The following PTPN6 variants were observed in gnomAD, a reference collection of about 807,000 sequenced individuals.
PTPN6 encodes the protein protein tyrosine phosphatase non-receptor type 6.
In PTPN6, 18 loss-of-function variants were observed where a neutral mutation model predicts 81.5. The observed-to-expected ratio is 0.22, with a 90% CI of 0.15 to 0.33. The LOEUF is 0.33. Ranked by LOEUF, PTPN6 falls within the 10% of genes least tolerant of loss-of-function variation. The pLI is 1.00. For synonymous variants in PTPN6, 301 were observed against 310.9 expected (o/e 0.97, Z 0.33); for missense variants, 500 against 794.2 (o/e 0.63, Z 4.45).
In PTPN6 at chr12:6,955,386, G is replaced by A. The variant is rs140592255; in HGVS notation, c.648G>A (p.Thr216=). 2.0e-4 allele frequency: 318 copies of A among 1,614,160 alleles called. No homozygotes were observed. Among genetic ancestry groups the A allele is most frequent in the Non-Finnish European group, 2.6e-4 (302 of 1,180,020 alleles). Residue 216 remains threonine (T), a synonymous_variant, in exon 6 of 16, where the codon ACG becomes ACA. Transcript: ENST00000318974. The surrounding 1 kb of genome is among the most constrained non-coding windows in gnomAD (Gnocchi z 7.2). The part of the protein sequence containing the change: ...FVYLRQPYYA[T]RVNAADIENR... The stretch of plus-strand genomic sequence containing the variant: ...CCCCACCCCAGCCGTACTATGCCAC[G>A]AGGGTGAATGCGGCTGACATTGAGA...
At position 6,960,538 on chromosome 12, in the gene PTPN6, G is replaced by T; in HGVS notation, c.1673+103G>T. On this transcript the variant is annotated intron_variant, in intron 14 of 15. Coordinates refer to ENST00000318974, the MANE Select transcript of PTPN6 (RefSeq NM_002831.6). The surrounding 1 kb of genome is among the most constrained non-coding windows in gnomAD (Gnocchi z 6.1). Reference sequence around the variant, plus strand: ...CAAGTGTTGCAGCTGGGGGGACCTGGCTTCAAGTTCAGGCTTGGTTCTCAC... The same window carrying T: ...CAAGTGTTGCAGCTGGGGGGACCTGTCTTCAAGTTCAGGCTTGGTTCTCAC... 1 of 1,451,144 alleles carries T rather than the reference G, an allele frequency of 6.9e-7. No homozygotes were observed. 89.9% of individuals were successfully genotyped at this position (1,451,144 alleles called of 1,614,324 possible). A position where few individuals can be genotyped will look rare whatever the true frequency, so the allele number is the denominator to read the frequency against.
intron 3 of PTPN6, chr12:6,953,436 AAGG>A (rs1945963733): frequency 6.6e-6 from 1 of 152,222 alleles, no homozygotes; most frequent in South Asian, 2.1e-4. Flanking sequence ...GCCTGGGTTC[AAGG>A]AGAAGAGAGA....
rs1555149432 is a variant in PTPN6, at chr12:6,960,033, A to C, written c.1429+39A>C. The C allele has an allele frequency of 6.2e-7, 1 of 1,612,340 alleles. No individual in the cohort carries two copies. The highest frequency in any genetic ancestry group is 1.1e-5 in the South Asian group (1 of 91,068). ...GGGGGTTTGGGGGTGGGGGGTGAGC[A>C]GCCCCTCGGTGTCCGCCTATGCCTG... On this transcript the variant is annotated intron_variant, in intron 12 of 15. Coordinates refer to ENST00000318974, the MANE Select transcript of PTPN6 (RefSeq NM_002831.6). This position sits in a 1 kb window ranked among gnomAD's most constrained non-coding sequence, Gnocchi z 6.1.
At position 6,955,067 on chromosome 12, in the gene PTPN6, G is replaced by A; in HGVS notation, c.516+73G>A. ...TGACCACAGTGTGGGTGGCAGGGAG[G>A]GTCTGCCTGGGCTTGAATTCAAGGC... is the stretch of plus-strand genomic sequence containing the variant. On this transcript the variant is annotated intron_variant, in intron 4 of 15. Coordinates refer to ENST00000318974, the MANE Select transcript of PTPN6 (RefSeq NM_002831.6). This position sits in a 1 kb window ranked among gnomAD's most constrained non-coding sequence, Gnocchi z 7.2. 6.2e-7 allele frequency: 1 copy of A among 1,606,616 alleles called. No individual in the cohort carries two copies. Among genetic ancestry groups the A allele is most frequent in the Non-Finnish European group, 8.5e-7 (1 of 1,173,292 alleles).
chr12:6,952,414 C>G lies in PTPN6; in HGVS notation c.326+237C>G. 1.7e-6 allele frequency: 1 copy of G among 592,798 alleles called. No individual in the cohort carries two copies. The highest frequency in any genetic ancestry group is 1.9e-5 in the African/African-American group (1 of 53,922). 36.7% of individuals were successfully genotyped at this position (592,798 alleles called of 1,614,324 possible). ...GAGGAAGCCACAGAAAGCTGCCTCG[C>G]CCTACTCCGGGAGCCCTGGCCGCTG... is the stretch of plus-strand genomic sequence containing the variant. On this transcript the variant is annotated intron_variant, in intron 3 of 15. Transcript: ENST00000318974. The surrounding 1 kb of genome is among the most constrained non-coding windows in gnomAD (Gnocchi z 8.1).
At chr12:6,947,668 CAAAA>C (rs112544780), upstream of PTPN6, among the ~76,000 whole-genome samples, 11 of 64,764 alleles carry the variant, frequency 1.7e-4, no homozygotes, top group African/African-American at 4.1e-4. Context: ...GACCTTGTCT[CAAAA>C]AAAAAAAAAA....
Position 6,954,753 on chromosome 12 carries a change from G to GCGCCTTC in PTPN6, c.327-50_327-44dup, listed in dbSNP as rs1555148286. 1.9e-6 allele frequency: 3 copies of GCGCCTTC among 1,568,758 alleles called. No homozygotes were observed. Among genetic ancestry groups the GCGCCTTC allele is most frequent in the Non-Finnish European group, 2.6e-6 (3 of 1,150,158 alleles). On this transcript the variant is annotated intron_variant, in intron 3 of 15. Coordinates refer to ENST00000318974, the MANE Select transcript of PTPN6 (RefSeq NM_002831.6). The surrounding 1 kb of genome is among the most constrained non-coding windows in gnomAD (Gnocchi z 5.4). ...CCCTCTCTGTGAATGTCTCTGCTCA[G>GCGCCTTC]CGCCTTCCCCTGTGGCCTGGGTCTT...
upstream of PTPN6, among the ~76,000 whole-genome samples, chr12:6,948,600 A>G (rs1335161085): frequency 1.3e-5 from 2 of 151,070 alleles, no homozygotes; most frequent in Non-Finnish European, 2.9e-5. Context: ...TCGAAAGAAG[A>G]AAGGAAAGAA....
Position 6,951,504 on chromosome 12 carries a change from GCCCCC to G in PTPN6, c.-8_-4del. On this transcript the variant is annotated 5_prime_UTR_variant, in exon 1 of 16. Transcript: ENST00000318974. This position sits in a 1 kb window ranked among gnomAD's most constrained non-coding sequence, Gnocchi z 7.2. ...CCCTGCGCCCCCTTCCTCTCCGGAA[GCCCCC>G]AGGATGGTGAGGTAAGGGCCTGCCA... The G allele has an allele frequency of 6.2e-7, 1 of 1,613,856 alleles. No individual in the cohort carries two copies. Among genetic ancestry groups the G allele is most frequent in the Non-Finnish European group, 8.5e-7 (1 of 1,179,890 alleles).
Position 6,957,650 on chromosome 12 carries a change from C to T in PTPN6, c.1075-4C>T, listed in dbSNP as rs2138276519. ...CTCATCCCCACCCGACCCTCCCTTTCCAGAACAAATGCGTCCCATACTGGC... is the reference window on the plus strand; with the variant it reads ...CTCATCCCCACCCGACCCTCCCTTTTCAGAACAAATGCGTCCCATACTGGC... On this transcript the variant is annotated splice_region_variant and splice_polypyrimidine_tract_variant and intron_variant, in intron 9 of 15. Coordinates refer to ENST00000318974, the MANE Select transcript of PTPN6 (RefSeq NM_002831.6). The surrounding 1 kb of genome is among the most constrained non-coding windows in gnomAD (Gnocchi z 6.5). 4.4e-6 allele frequency: 3 copies of T among 684,192 alleles called. No individual in the cohort carries two copies. The highest frequency in any genetic ancestry group is 1.9e-5 in the Admixed American group (1 of 51,512). 42.4% of individuals were successfully genotyped at this position (684,192 alleles called of 1,614,324 possible).
chr12:6,948,601 A>C (rs1272164756), upstream of PTPN6, among the ~76,000 whole-genome samples: 10 of 151,058 alleles, frequency 6.6e-5, no homozygotes, highest in East Asian at 9.6e-4. Context: ...CGAAAGAAGA[A>C]AGGAAAGAAA....
chr12:6,952,200 A>T lies in PTPN6; in HGVS notation c.326+23A>T. On this transcript the variant is annotated intron_variant, in intron 3 of 15. Transcript: ENST00000318974. The surrounding 1 kb of genome is among the most constrained non-coding windows in gnomAD (Gnocchi z 8.1). Reference sequence around the variant, plus strand: ...GAGGTGAGGGCTCCGCACCCCCGCCATTCCCAAGCAGGGATGAGCCGGCTC... The same window carrying T: ...GAGGTGAGGGCTCCGCACCCCCGCCTTTCCCAAGCAGGGATGAGCCGGCTC... 1 of 1,612,520 alleles carries T rather than the reference A, an allele frequency of 6.2e-7. No homozygotes were observed. Among genetic ancestry groups the T allele is most frequent in the Non-Finnish European group, 8.5e-7 (1 of 1,179,680 alleles).
chr12:6,946,930 C>G (rs1555146921), upstream of PTPN6, among the ~76,000 whole-genome samples: 4 of 152,168 alleles, frequency 2.6e-5, no homozygotes, highest in Non-Finnish European at 5.9e-5. Flanking sequence ...GCTCCTCTGC[C>G]CCCTCTTTAA....
In PTPN6 at chr12:6,956,241, TGGGAG is replaced by T; in HGVS notation, c.924+22_924+26del. 3 of 1,613,042 alleles carry T rather than the reference TGGGAG, an allele frequency of 1.9e-6. No homozygotes were observed. The highest frequency in any genetic ancestry group is 2.5e-6 in the Non-Finnish European group (3 of 1,179,140). On this transcript the variant is annotated intron_variant, in intron 8 of 15. Coordinates refer to ENST00000318974, the MANE Select transcript of PTPN6 (RefSeq NM_002831.6). This position sits in a 1 kb window ranked among gnomAD's most constrained non-coding sequence, Gnocchi z 4.1. ...ATCAAGGTCAGCAGTGTGGGCCACG[TGGGAG>T]GAGAGGCTGGGCCCTGGGAATTCCC...
upstream of PTPN6, among the ~76,000 whole-genome samples, chr12:6,947,920 C>T (rs1016329809): frequency 2.6e-5 from 4 of 152,016 alleles, no homozygotes; most frequent in Non-Finnish European, 4.4e-5. Context: ...ACAGTGTGCC[C>T]GTGGCAGAGG....
In PTPN6 at chr12:6,954,271, C is replaced by T. The variant is rs1478542648; in HGVS notation, c.327-534C>T. On this transcript the variant is annotated intron_variant, in intron 3 of 15. Transcript: ENST00000318974. The surrounding 1 kb of genome is among the most constrained non-coding windows in gnomAD (Gnocchi z 5.4). ...CTTGAGTCTGTGTGTCCATCTCCCA[C>T]CACTCCCTGTGGTGTGGCCTCGGTC... Among the ~76,000 whole-genome samples, 2 of 152,226 alleles carry T rather than the reference C, an allele frequency of 1.3e-5. No individual in the cohort carries two copies. Among genetic ancestry groups the T allele is most frequent in the Non-Finnish European group, 1.5e-5 (1 of 68,052 alleles).
chr12:6,948,103 TAGAG>T (rs782322453), upstream of PTPN6, among the ~76,000 whole-genome samples: 4 of 151,644 alleles, frequency 2.6e-5, no homozygotes, highest in Non-Finnish European at 4.4e-5. Context: ...CTGGGCAACA[TAGAG>T]AGACCCCATC....
Position 6,955,823 on chromosome 12 carries a change from A to G in PTPN6, c.844+67A>G, listed in dbSNP as rs965848789. ...TGCCCCAGCTGCCTCCCCTCATCTC[A>G]CAGGTCTCCACCCTCCACGCCAGGA... On this transcript the variant is annotated intron_variant, in intron 7 of 15. Transcript: ENST00000318974. The surrounding 1 kb of genome is among the most constrained non-coding windows in gnomAD (Gnocchi z 7.2). 17 of 1,410,722 alleles carry G rather than the reference A, an allele frequency of 1.2e-5. No homozygotes were observed. In the African/African-American group the frequency reaches 1.9e-4, roughly 15 times the overall value. The allele number at this position is 1,410,722 out of a possible 1,614,324, so 87.4% of individuals were successfully genotyped here.
intron 11 of PTPN6, 26 bp downstream of exon 11, chr12:6,958,099 T>C (rs782168049): frequency 1.9e-6 from 3 of 1,606,108 alleles, no homozygotes; most frequent in Admixed American, 1.7e-5. Context: ...CTGATGGTAG[T>C]AGTGACAGCT....
Sources: gnomAD v4.1 joint callset for allele counts (sites outside exome capture counted in the v4.1 genomes callset) on GRCh38, gnomAD v4.1.1 for gene constraint, Gnocchi (gnomAD v3.1) non-coding constraint, MANE v1.5 for transcripts, NCBI Gene and HGNC (gene_info 2026-07-23, HGNC 2026-07-21) for gene names.